Variants in CALN1 observed in about 807,000 individuals in gnomAD.
CALN1 encodes the protein calcium-binding protein 8.
Under a neutral mutation model 30.6 loss-of-function variants are expected in CALN1, and 17 were observed. The observed-to-expected ratio is 0.56, with a 90% CI of 0.38 to 0.83. The LOEUF is 0.83. Ranked by LOEUF, CALN1 falls within the 40% of genes least tolerant of loss-of-function variation. The pLI is 0.00. For missense variants in CALN1, 291 were observed against 354.9 expected, an observed-to-expected ratio of 0.82 and a Z score of 1.45; for synonymous variants, 156 against 131.4, an observed-to-expected ratio of 1.19 and a Z score of -1.28.
intron 3 of CALN1, among the ~76,000 whole-genome samples, chr7:72,192,420 G>A (rs981062226): frequency 1.3e-5 from 2 of 152,036 alleles, no homozygotes; most frequent in African/African-American, 2.4e-5. Context: ...TGGATGGGGC[G>A]GGCATTGTTC....
chr7:72,436,735 G>A lies in CALN1; in HGVS notation c.-226+10307C>T, dbSNP rs181335422. ...CCCTCTTAAATAATGTTCTCCAAGC[G>A]TGGGCCCAAACAAGCAGCCTCAGCA... On this transcript the variant is annotated intron_variant, in intron 1 of 6. Transcript: ENST00000395276. 3.8e-4 allele frequency among the ~76,000 whole-genome samples: 58 copies of A among 152,158 alleles called. 1 individual carries two copies. In the East Asian group the frequency reaches 0.01, roughly 27 times the overall value.
At chr7:72,279,575 T>C (rs965890139) in intron 2 of CALN1, among the ~76,000 whole-genome samples, 5 of 152,160 alleles carry the variant, frequency 3.3e-5, no homozygotes, top group African/African-American at 1.2e-4. Flanking sequence ...TGGTCATCAA[T>C]GGGGCTTAGA....
intron 5 of CALN1, among the ~76,000 whole-genome samples, chr7:71,969,243 A>G (rs984827137): frequency 6.6e-6 from 1 of 152,022 alleles, no homozygotes; most frequent in Non-Finnish European, 1.5e-5. Flanking sequence ...CCTGTAACTA[A>G]TTAGTGTTAC....
intron 2 of CALN1, among the ~76,000 whole-genome samples, chr7:72,395,645 G>A (rs978113856): frequency 6.6e-6 from 1 of 152,148 alleles, no homozygotes; most frequent in Non-Finnish European, 1.5e-5. Context: ...CCAGGTGAAA[G>A]TCAGATTGCC....
chr7:72,233,956 A>G (rs1794289358), intron 3 of CALN1, among the ~76,000 whole-genome samples: 1 of 152,040 alleles, frequency 6.6e-6, no homozygotes, highest in Admixed American at 6.6e-5. Context: ...GTGAGTCAAG[A>G]TCACACCATT....
intron 3 of CALN1, among the ~76,000 whole-genome samples, chr7:72,117,972 A>G (rs1808111943): frequency 1.4e-5 from 2 of 144,968 alleles, no homozygotes; most frequent in African/African-American, 2.7e-5. Context: ...AAAAAAAAGA[A>G]AAAAAAAAAA....
chr7:72,105,445 G>A (rs577394675), intron 4 of CALN1, among the ~76,000 whole-genome samples: 86 of 152,098 alleles, frequency 5.7e-4, no homozygotes, highest in African/African-American at 2.0e-3. Flanking sequence ...CTTGTTTGAG[G>A]GGTTTTGGTG....
In CALN1 at chr7:71,806,273, C is replaced by CAAACAAACACACACATGCACACACACAA. The variant is rs1554341707; in HGVS notation, c.658+4062_658+4063insTTGTGTGTGTGCATGTGTGTGTTTGTTT. ...ATGCACACACACACACACACACAAA[C>CAAACAAACACACACATGCACACACACAA]ACACACACACACATGATTATAGTTT... On this transcript the variant is annotated intron_variant, in intron 6 of 6. Coordinates refer to ENST00000395275, the MANE Select transcript of CALN1 (RefSeq NM_031468.4). 1.6e-3 allele frequency among the ~76,000 whole-genome samples: 238 copies of CAAACAAACACACACATGCACACACACAA among 149,892 alleles called. 1 individual carries two copies. The highest frequency in any genetic ancestry group is 5.6e-3 in the African/African-American group (229 of 40,624).
At position 71,997,306 on chromosome 7, in the gene CALN1, G is replaced by A. The variant is rs150103187; in HGVS notation, c.501+26351C>T. Among the ~76,000 whole-genome samples, 50 of 152,070 alleles carry A rather than the reference G, an allele frequency of 3.3e-4. No individual in the cohort carries two copies. In the East Asian group the frequency reaches 5.0e-3, roughly 15 times the overall value. On this transcript the variant is annotated intron_variant, in intron 5 of 6. Transcript: ENST00000395275. ...TTACAAAACTGAAAAAAATCAAAAT[G>A]TACTGGATAGGAGAGTAGAGGACAG...
intron 3 of CALN1, among the ~76,000 whole-genome samples, chr7:72,244,118 G>A (rs527938025): frequency 5.0e-4 from 76 of 152,280 alleles, no homozygotes; most frequent in African/African-American, 1.5e-3. Context: ...TACAATGCAT[G>A]GGCTGACCCT....
intron 1 of CALN1, among the ~76,000 whole-genome samples, chr7:72,446,661 G>A (rs1333015174): frequency 1.3e-5 from 2 of 152,166 alleles, no homozygotes; most frequent in African/African-American, 4.8e-5. Context: ...GATTTGACAG[G>A]CAAGTCGAGT....
intron 2 of CALN1, among the ~76,000 whole-genome samples, chr7:72,326,960 A>C (rs1470155471): frequency 6.6e-6 from 1 of 152,216 alleles, no homozygotes; most frequent in African/African-American, 2.4e-5. Context: ...TCTTCTAAAC[A>C]CATATTCATT....
intron 2 of CALN1, among the ~76,000 whole-genome samples, chr7:72,394,286 T>C (rs557549816): frequency 6.6e-6 from 1 of 152,318 alleles, no homozygotes; most frequent in South Asian, 2.1e-4. Context: ...TGAATTGGTA[T>C]GGTAATTCTG....
intron 5 of CALN1, among the ~76,000 whole-genome samples, chr7:71,888,972 C>T (rs977434641): frequency 2.6e-5 from 4 of 152,154 alleles, no homozygotes; most frequent in African/African-American, 7.2e-5. Flanking sequence ...GGAGGGAAGC[C>T]GCAGTGTGGT....
intron 2 of CALN1, among the ~76,000 whole-genome samples, chr7:72,310,386 C>T (rs1396666905): frequency 1.3e-5 from 2 of 148,724 alleles, no homozygotes; most frequent in African/African-American, 2.5e-5. Flanking sequence ...TCTTGGCATT[C>T]GAGATACTAC....
chr7:72,396,254 A>AAG (rs1554399566), intron 2 of CALN1, among the ~76,000 whole-genome samples: 97 of 78,132 alleles, frequency 1.2e-3, no homozygotes, highest in South Asian at 4.6e-3. Flanking sequence ...AAAAAAAAAA[A>AAG]AAAGAAAGAA....
At chr7:72,105,359 G>A (rs1215109024) in intron 4 of CALN1, among the ~76,000 whole-genome samples, 1 of 152,168 alleles carries the variant, frequency 6.6e-6, no homozygotes, top group Non-Finnish European at 1.5e-5. Context: ...TTTCCTGAGT[G>A]TGATGTAGCC....
chr7:72,258,824 G>A lies in CALN1; in HGVS notation c.244+19862C>T, dbSNP rs562016809. On this transcript the variant is annotated intron_variant, in intron 3 of 6. Transcript: ENST00000395275. ...TCCCAGCACTTTGGGAGGCTGAGAC[G>A]GGCAGATCACCCAAGGTCAGGAGTT... Among the ~76,000 whole-genome samples, 10 of 151,344 alleles carry A rather than the reference G, an allele frequency of 6.6e-5. No individual in the cohort carries two copies. The South Asian group carries it at 1.9e-3, about 29-fold the overall frequency.
intron 1 of CALN1, among the ~76,000 whole-genome samples, chr7:72,428,397 A>AT (rs11459464): frequency 0.19 from 27,491 of 144,886 alleles, 3,176 homozygotes; most frequent in East Asian, 0.62. Context: ...TTATTTTATT[A>AT]TTTTTTTTTT....
Sources: allele counts gnomAD v4.1 joint callset (sites outside exome capture counted in the v4.1 genomes callset), GRCh38; gene constraint gnomAD v4.1.1; transcripts MANE v1.5; gene names NCBI Gene and HGNC (gene_info 2026-07-23, HGNC 2026-07-21).